Variants in LINGO2 observed in about 807,000 individuals in gnomAD.
The protein encoded by LINGO2 is leucine-rich repeat and immunoglobulin-like domain-containing nogo receptor-interacting protein 2.
LINGO2 carries 14 observed loss-of-function variants against 30.6 expected under a neutral mutation model. The ratio of observed to expected loss-of-function variants is 0.46; its 90% CI spans 0.30 to 0.72. The LOEUF (loss-of-function observed/expected upper bound fraction) is 0.72, where lower values mean the gene tolerates loss of function less well. Among genes scored for constraint, LINGO2 ranks in the 30% least tolerant of loss-of-function variants. The pLI is 0.07. For missense variants in LINGO2, 729 were observed against 751.7 expected (o/e 0.97, Z 0.35); for synonymous variants, 317 against 288.5 (o/e 1.10, Z -1.00).
the LINGO2 span, among the ~76,000 whole-genome samples, chr9:28,999,558 T>C: frequency 6.6e-6 from 1 of 152,050 alleles, no homozygotes; most frequent in Non-Finnish European, 1.5e-5. Context: ...AACTTCATAT[T>C]ATATGAAGTG....
chr9:28,785,524 A>G, the LINGO2 span, among the ~76,000 whole-genome samples: 1 of 152,204 alleles, frequency 6.6e-6, no homozygotes, highest in Non-Finnish European at 1.5e-5. Flanking sequence ...ACTAGACTGT[A>G]AGCTCTGTGA....
chr9:28,654,122 C>A (rs1828232566), intron 1 of LINGO2, among the ~76,000 whole-genome samples: 1 of 151,972 alleles, frequency 6.6e-6, no homozygotes, highest in Admixed American at 6.6e-5. Flanking sequence ...AAGAAACTTT[C>A]CAAATTATGT....
At chr9:28,564,412 G>C (rs981722552) in intron 1 of LINGO2, among the ~76,000 whole-genome samples, 1 of 151,960 alleles carries the variant, frequency 6.6e-6, no homozygotes, top group Non-Finnish European at 1.5e-5. Context: ...CAGTTTACTT[G>C]AGTCACTTCA....
At chr9:28,409,018 G>A (rs187963448) in intron 2 of LINGO2, among the ~76,000 whole-genome samples, 43 of 151,912 alleles carry the variant, frequency 2.8e-4, no homozygotes, top group Non-Finnish European at 5.7e-4. Context: ...ATGACACTAA[G>A]AACACAGGAC....
chr9:28,800,431 T>C, the LINGO2 span, among the ~76,000 whole-genome samples: 1 of 152,104 alleles, frequency 6.6e-6, no homozygotes, highest in African/African-American at 2.4e-5. Context: ...GACTGTCCTT[T>C]TGCAAATAAT....
intron 2 of LINGO2, among the ~76,000 whole-genome samples, chr9:28,427,764 G>A (rs1476680624): frequency 6.6e-6 from 1 of 152,056 alleles, no homozygotes; most frequent in Non-Finnish European, 1.5e-5. Flanking sequence ...TTATGCATCA[G>A]GTGAAAAAGC....
chr9:28,307,037 C>G (rs1279913614), intron 3 of LINGO2, among the ~76,000 whole-genome samples: 6 of 152,002 alleles, frequency 3.9e-5, no homozygotes, highest in Admixed American at 2.0e-4. Flanking sequence ...TGAAACTATT[C>G]CAATCAATAG....
At chr9:28,914,524 CAT>C in the LINGO2 span, among the ~76,000 whole-genome samples, 19 of 152,084 alleles carry the variant, frequency 1.2e-4, no homozygotes, top group African/African-American at 4.6e-4. Flanking sequence ...TTGAGACAAA[CAT>C]AACTACAGCT....
At chr9:28,215,515 T>C (rs1335063231) in intron 4 of LINGO2, among the ~76,000 whole-genome samples, 1 of 151,854 alleles carries the variant, frequency 6.6e-6, no homozygotes, top group African/African-American at 2.4e-5. Flanking sequence ...TTGTGGTGCT[T>C]AAATCACATT....
intron 1 of LINGO2, among the ~76,000 whole-genome samples, chr9:28,542,667 A>G (rs1821753311): frequency 1.3e-5 from 2 of 152,094 alleles, no homozygotes; most frequent in South Asian, 4.1e-4. Context: ...CCACTGATTA[A>G]CCCAGAAGAG....
intron 1 of LINGO2, among the ~76,000 whole-genome samples, chr9:28,653,199 G>T (rs62550183): frequency 0.052 from 7,901 of 152,124 alleles, 383 homozygotes; most frequent in Admixed American, 0.17. Flanking sequence ...ATGCTGTATT[G>T]CCCATGTGGA....
chr9:28,922,304 T>C, the LINGO2 span, among the ~76,000 whole-genome samples: 1 of 152,146 alleles, frequency 6.6e-6, no homozygotes, highest in Non-Finnish European at 1.5e-5. Flanking sequence ...AGAATTCTAA[T>C]AGATGAAAGC....
At chr9:28,981,934 C>T in the LINGO2 span, among the ~76,000 whole-genome samples, 2 of 152,062 alleles carry the variant, frequency 1.3e-5, no homozygotes, top group Non-Finnish European at 2.9e-5. Context: ...GTGATTCTGC[C>T]TTCCTCAAGA....
At chr9:28,020,281 T>A (rs1456490742) in intron 4 of LINGO2, among the ~76,000 whole-genome samples, 1 of 152,042 alleles carries the variant, frequency 6.6e-6, no homozygotes, top group East Asian at 1.9e-4. Flanking sequence ...CTAGAAAGTG[T>A]TATTTGGGAA....
At chr9:28,763,901 C>G in the LINGO2 span, among the ~76,000 whole-genome samples, 1 of 151,626 alleles carries the variant, frequency 6.6e-6, no homozygotes. Context: ...TAATTATATG[C>G]CTACAAATTG....
intron 1 of LINGO2, among the ~76,000 whole-genome samples, chr9:28,664,800 T>C (rs1052228554): frequency 4.6e-5 from 7 of 151,852 alleles, no homozygotes; most frequent in African/African-American, 1.7e-4. Flanking sequence ...TTAAAATATA[T>C]CTACATTGAC....
chr9:28,518,268 G>A (rs924224504), intron 1 of LINGO2, among the ~76,000 whole-genome samples: 4 of 152,156 alleles, frequency 2.6e-5, no homozygotes, highest in African/African-American at 9.7e-5. Flanking sequence ...CAAGTTTCCT[G>A]ATTCCCAGCC....
the LINGO2 span, among the ~76,000 whole-genome samples, chr9:29,123,169 A>T: frequency 6.6e-6 from 1 of 152,164 alleles, no homozygotes; most frequent in South Asian, 2.1e-4. Context: ...CTAAATTCAT[A>T]ATTTCTCACT....
At chr9:28,909,529 T>A in the LINGO2 span, among the ~76,000 whole-genome samples, 1 of 152,134 alleles carries the variant, frequency 6.6e-6, no homozygotes, top group South Asian at 2.1e-4. Flanking sequence ...ACAAATGGAA[T>A]ACTTAAACTT....
Sources: allele counts gnomAD v4.1 joint callset (sites outside exome capture counted in the v4.1 genomes callset), GRCh38; gene constraint gnomAD v4.1.1; transcripts MANE v1.5; gene names NCBI Gene and HGNC (gene_info 2026-07-23, HGNC 2026-07-21).